PRPF40B: variants seen among roughly 807,000 people sequenced by gnomAD.
The protein encoded by PRPF40B is pre-mRNA-processing factor 40 homolog B.
Under a neutral mutation model 124.5 loss-of-function variants are expected in PRPF40B, and 56 were observed. The observed-to-expected ratio is 0.45, with a 90% CI of 0.36 to 0.56. PRPF40B has a LOEUF of 0.56. Ranked by LOEUF, PRPF40B falls within the 20% of genes least tolerant of loss-of-function variation. The pLI is 0.00. For synonymous variants in PRPF40B, 443 were observed against 426.4 expected (o/e 1.04, Z -0.48); for missense variants, 1,053 against 1,169.5 (o/e 0.90, Z 1.45).
Position 49,643,756 on chromosome 12 carries a change from A to G in PRPF40B, c.2442+4A>G, listed in dbSNP as rs1942981491. On this transcript the variant is annotated splice_donor_region_variant and intron_variant, in intron 24 of 25. Coordinates refer to ENST00000548825, the MANE Select transcript of PRPF40B (RefSeq NM_001031698.3). ...TAAGAAGAGAAGACACAAGTCGGTG[A>G]GTGAAGGAACTTCTACCTAAGCCCC... The G allele has an allele frequency of 3.1e-6, 5 of 1,613,994 alleles. No individual in the cohort carries two copies. The highest frequency in any genetic ancestry group is 4.2e-6 in the Non-Finnish European group (5 of 1,179,978).
At chr12:49,643,071 A>G in intron 22 of PRPF40B, 55 bp downstream of exon 22, 1 of 1,598,854 alleles carries the variant, frequency 6.3e-7, no homozygotes. Flanking sequence ...TTGGGGAAAT[A>G]AACACTTTGT....
rs141374337 is a variant in PRPF40B at position 49,631,884 on chromosome 12, A to G, written c.253A>G (p.Met85Val). 1.8e-5 allele frequency: 29 copies of G among 1,614,056 alleles called. No homozygotes were observed. The highest frequency in any genetic ancestry group is 2.4e-5 in the Non-Finnish European group (28 of 1,180,014). Reference sequence around the variant, plus strand: ...GATACCAGGAATGGTACCTCCGATGATGCCAGGAATGCTGATGCCAGCGGT... The same window carrying G: ...GATACCAGGAATGGTACCTCCGATGGTGCCAGGAATGCTGATGCCAGCGGT... ...TQIPGMVPPM[M>V]PGMLMPAVPV... Residue 85 changes from methionine (M) to valine (V), a missense_variant, in exon 4 of 26, where the codon ATG becomes GTG. Physicochemically the swap from Met to Val is conservative, Grantham distance 21 (BLOSUM62 1). Coordinates refer to ENST00000548825, the MANE Select transcript of PRPF40B (RefSeq NM_001031698.3). This position sits in a 1 kb window ranked among gnomAD's most constrained non-coding sequence, Gnocchi z 4.3.
In PRPF40B at chr12:49,632,995, T is replaced by TGGGGGGGGGGGGGGGGGGG; in HGVS notation, c.349-18_349-17insGGGGGGGGGGGGGGGGGGG. 3 of 1,365,420 alleles carry TGGGGGGGGGGGGGGGGGGG rather than the reference T, an allele frequency of 2.2e-6. No homozygotes were observed. Among genetic ancestry groups the TGGGGGGGGGGGGGGGGGGG allele is most frequent in the Non-Finnish European group, 1.0e-6 (1 of 979,252 alleles). 84.6% of individuals were successfully genotyped at this position (1,365,420 alleles called of 1,614,324 possible). Reference sequence around the variant, plus strand: ...AAAAGGGGCCTTGACCACCATTCTGTGCCCCCCCCCCCACCCAGAGGGCCC... The same window carrying TGGGGGGGGGGGGGGGGGGG: ...AAAAGGGGCCTTGACCACCATTCTGTGGGGGGGGGGGGGGGGGGGGCCCCCCCCCCCACCCAGAGGGCCC... On this transcript the variant is annotated intron_variant, in intron 6 of 25. Transcript: ENST00000548825.
At chr12:49,628,053 G>A (rs1479122112) in intron 1 of PRPF40B, among the ~76,000 whole-genome samples, 1 of 152,154 alleles carries the variant, frequency 6.6e-6, no homozygotes, top group Non-Finnish European at 1.5e-5. Flanking sequence ...GAGGCAGCTT[G>A]AGATGGGAAA....
At position 49,630,566 on chromosome 12, in the gene PRPF40B, C is replaced by T. The variant is rs1246049986; in HGVS notation, c.25C>T (p.Arg9Trp). 18 of 1,394,400 alleles carry T rather than the reference C, an allele frequency of 1.3e-5. No homozygotes were observed. The highest frequency in any genetic ancestry group is 2.4e-5 in the South Asian group (2 of 82,938). The allele number at this position is 1,394,400 out of a possible 1,614,324, so 86.4% of individuals were successfully genotyped here. ...ACAGTCGGTTCCCGATTCTGGTCCC[C>T]GGCCCCCAGCAGCGCCTGCCCCCTT... MSVPDSGP[R>W]PPAAPAPFPP... Residue 9 changes from arginine to tryptophan, a missense_variant, in exon 2 of 26, where the codon CGG (arginine) becomes TGG (tryptophan). By Grantham distance (101) the Arg-to-Trp change is moderately radical. Coordinates refer to ENST00000548825, the MANE Select transcript of PRPF40B (RefSeq NM_001031698.3).
intron 1 of PRPF40B, among the ~76,000 whole-genome samples, chr12:49,624,544 G>C (rs1940525704): frequency 6.6e-6 from 1 of 152,188 alleles, no homozygotes; most frequent in Admixed American, 6.5e-5. Context: ...TGATGAGATG[G>C]CAGGATCAGA....
At chr12:49,623,284 G>A (rs1216983495), upstream of PRPF40B, 2 of 166,648 alleles carry the variant, frequency 1.2e-5, no homozygotes, top group Non-Finnish European at 2.6e-5. Context: ...GCAGCGGGGA[G>A]AGGCAGAGGC....
At position 49,633,464 on chromosome 12, in the gene PRPF40B, C is replaced by T. The variant is rs146358365; in HGVS notation, c.497C>T (p.Ser166Leu). 1,138 of 1,614,156 alleles carry T rather than the reference C, an allele frequency of 7.1e-4. 1 individual carries two copies. Among genetic ancestry groups the T allele is most frequent in the Non-Finnish European group, 8.5e-4 (1,002 of 1,180,032 alleles). The change falls in exon 8 of 26, where the codon TCG becomes TTG. Residue 166 changes from serine (S) to leucine (L), a missense_variant. Ser to Leu is a moderately radical substitution (Grantham distance 145, BLOSUM62 -2). This residue lies in a region of PRPF40B where 895 missense variants were observed against 1,052.2 expected (regional missense o/e 0.85). Transcript: ENST00000548825. ...CAATGTCCCTGGAAAGAGTACAAGT[C>T]GGACACAGGCAAACCTTATTACTAT... Reference protein sequence around the residue: ...LSQCPWKEYKSDTGKPYYYNN... With the variant: ...LSQCPWKEYKLDTGKPYYYNN...
At chr12:49,629,232 A>C (rs2138419734) in intron 1 of PRPF40B, among the ~76,000 whole-genome samples, 1 of 152,346 alleles carries the variant, frequency 6.6e-6, no homozygotes, top group Non-Finnish European at 1.5e-5. Context: ...AAATGATAAA[A>C]GTTTGCTGCA....
rs1422473940 is a variant in PRPF40B, at chr12:49,643,253, C to T, written c.2236C>T (p.Pro746Ser). 1.2e-6 allele frequency: 2 copies of T among 1,614,080 alleles called. No individual in the cohort carries two copies. Among genetic ancestry groups the T allele is most frequent in the Non-Finnish European group, 1.7e-6 (2 of 1,180,010 alleles). ...TGAGTCAGAAGAAGAGGAGCTGCCC[C>T]CACCATCTCTCCGGCCCCCCAAGCG... ...GSESEEEELPPPSLRPPKRRR... is the reference protein window; with the variant it reads ...GSESEEEELPSPSLRPPKRRR... Residue 746 changes from proline to serine, a missense_variant, in exon 23 of 26, where the codon CCA (proline) becomes TCA (serine). Physicochemically the swap from Pro to Ser is moderately conservative, Grantham distance 74. Around this residue, in one of 2 missense-constraint regions of PRPF40B, gnomAD observed 895 missense variants for 1,052.2 expected, o/e 0.85. Coordinates refer to ENST00000548825, the MANE Select transcript of PRPF40B (RefSeq NM_001031698.3).
intron 18 of PRPF40B, chr12:49,641,698 CTG>C: frequency 1.7e-6 from 1 of 577,414 alleles, no homozygotes; most frequent in Non-Finnish European, 3.1e-6. Flanking sequence ...CCCTTCAGCT[CTG>C]TGTGACATCC....
chr12:49,626,147 G>A (rs988832677), intron 1 of PRPF40B, among the ~76,000 whole-genome samples: 5 of 152,220 alleles, frequency 3.3e-5, no homozygotes, highest in Non-Finnish European at 7.3e-5. Flanking sequence ...CAGCCTGTAT[G>A]TCAGAGAATT....
intron 16 of PRPF40B, 163 bp downstream of exon 16, chr12:49,637,012 A>G (rs1459243483): frequency 9.4e-7 from 1 of 1,068,784 alleles, no homozygotes; most frequent in Non-Finnish European, 1.3e-6. Context: ...TTTCTGCTGT[A>G]CCTCCTCAAT....
In PRPF40B at chr12:49,635,735, C is replaced by G; in HGVS notation, c.1276-108C>G. 1 of 1,350,378 alleles carries G rather than the reference C, an allele frequency of 7.4e-7. No individual in the cohort carries two copies. Among genetic ancestry groups the G allele is most frequent in the Non-Finnish European group, 1.0e-6 (1 of 978,610 alleles). The allele number at this position is 1,350,378 out of a possible 1,614,324, so 83.6% of individuals were successfully genotyped here. Reference sequence around the variant, plus strand: ...TGAGACATGAAAGTCTTGAGTATGGCCTTCTTCCTAGGGTTCCCTAGCTAC... The same window carrying G: ...TGAGACATGAAAGTCTTGAGTATGGGCTTCTTCCTAGGGTTCCCTAGCTAC... On this transcript the variant is annotated intron_variant, in intron 14 of 25. Transcript: ENST00000548825. This position sits in a 1 kb window ranked among gnomAD's most constrained non-coding sequence, Gnocchi z 4.1.
At chr12:49,637,409 C>G in intron 16 of PRPF40B, 61 bp from the exon 17 acceptor site, 1 of 1,170,222 alleles carries the variant, frequency 8.5e-7, no homozygotes, top group Non-Finnish European at 1.3e-6. Flanking sequence ...TCTCTTCCCC[C>G]TCAGTCTGTG....
At chr12:49,634,210 C>T in intron 10 of PRPF40B, 118 bp downstream of exon 10, 1 of 1,582,784 alleles carries the variant, frequency 6.3e-7, no homozygotes. Flanking sequence ...GGTGTGACCT[C>T]TGAAGGGCAG....
At position 49,634,923 on chromosome 12, in the gene PRPF40B, TC is replaced by T. The variant is rs1565833651; in HGVS notation, c.1002-175del. The T allele has an allele frequency of 1.4e-5, 10 of 715,656 alleles. No individual in the cohort carries two copies. In the African/African-American group the frequency reaches 1.4e-4, roughly 10 times the overall value. 44.3% of individuals were successfully genotyped at this position (715,656 alleles called of 1,614,324 possible). A position where few individuals can be genotyped will look rare whatever the true frequency, so the allele number is the denominator to read the frequency against. Reference sequence around the variant, plus strand: ...GTATTTGCAGTGTCTTGGAGCTGCATCTCTTCCCCTCACTTCCTGTCACCCC... The same window carrying T: ...GTATTTGCAGTGTCTTGGAGCTGCATTCTTCCCCTCACTTCCTGTCACCCC... On this transcript the variant is annotated intron_variant, in intron 12 of 25. Transcript: ENST00000548825.
At chr12:49,634,985 C>A in intron 12 of PRPF40B, 114 bp from the exon 13 acceptor site, 1 of 1,116,282 alleles carries the variant, frequency 9.0e-7, no homozygotes, top group East Asian at 2.5e-5. Context: ...TCCCAGACAT[C>A]TGTGCCCTTG....
At chr12:49,628,344 T>G (rs1940914679) in intron 1 of PRPF40B, among the ~76,000 whole-genome samples, 1 of 151,766 alleles carries the variant, frequency 6.6e-6, no homozygotes, top group African/African-American at 2.4e-5. Flanking sequence ...CAATGCAACC[T>G]CCGCCTCCCA....
Sources: gnomAD v4.1 joint callset for allele counts (sites outside exome capture counted in the v4.1 genomes callset) on GRCh38, gnomAD v4.1.1 for gene constraint, gnomAD v4.1.1 regional missense constraint, Gnocchi (gnomAD v3.1) non-coding constraint, MANE v1.5 for transcripts, NCBI Gene and HGNC (gene_info 2026-07-23, HGNC 2026-07-21) for gene names.